The following INTS9 variants were observed in gnomAD, a reference collection of about 807,000 sequenced individuals.
INTS9 encodes the protein integrator complex subunit 9.
INTS9 carries 55 observed loss-of-function variants against 79.7 expected under a neutral mutation model. That is an observed-to-expected ratio of 0.69 (90% CI 0.56 to 0.86). The LOEUF (loss-of-function observed/expected upper bound fraction) is 0.86. INTS9 is among the 40% of genes least tolerant of loss of function. The pLI is 0.00. For synonymous variants in INTS9, 319 were observed against 325.2 expected, an observed-to-expected ratio of 0.98 and a Z score of 0.20; for missense variants, 721 against 831.5, an observed-to-expected ratio of 0.87 and a Z score of 1.64.
At position 28,863,151 on chromosome 8, in the gene INTS9, T is replaced by C. The variant is rs527891386; in HGVS notation, c.10-3588A>G. The stretch of plus-strand genomic sequence containing the variant: ...AGCGGCATTCACTAACATCTTTACA[T>C]GTGTATCCCCTAAGACTAGGTGAAG... On this transcript the variant is annotated intron_variant, in intron 1 of 16. Coordinates refer to ENST00000521022, the MANE Select transcript of INTS9 (RefSeq NM_018250.4). Among the ~76,000 whole-genome samples, 8 of 152,266 alleles carry C rather than the reference T, an allele frequency of 5.3e-5. No individual in the cohort carries two copies. The South Asian group carries it at 1.4e-3, about 28-fold the overall frequency.
At chr8:28,807,106 A>G (rs1239089577) in intron 8 of INTS9, among the ~76,000 whole-genome samples, 2 of 152,232 alleles carry the variant, frequency 1.3e-5, no homozygotes, top group Admixed American at 1.3e-4. Context: ...TGAAAATAAA[A>G]TTTAGAATGA....
intron 2 of INTS9, among the ~76,000 whole-genome samples, chr8:28,855,983 TA>T (rs1301005642): frequency 4.6e-5 from 7 of 152,206 alleles, no homozygotes; most frequent in African/African-American, 1.7e-4. Flanking sequence ...AATAAATTGG[TA>T]AAGGCAATTA....
intron 6 of INTS9, among the ~76,000 whole-genome samples, chr8:28,819,889 C>T (rs1805725523): frequency 6.6e-6 from 1 of 152,154 alleles, no homozygotes; most frequent in Non-Finnish European, 1.5e-5. Context: ...TTGAATTGAT[C>T]CCTTTACCAT....
At chr8:28,821,687 G>C (rs1017379392) in intron 6 of INTS9, among the ~76,000 whole-genome samples, 1 of 151,988 alleles carries the variant, frequency 6.6e-6, no homozygotes, top group Non-Finnish European at 1.5e-5. Flanking sequence ...CCAGGGGTGT[G>C]GCTTTAAGAG....
chr8:28,808,899 C>G (rs1182541677), intron 8 of INTS9, among the ~76,000 whole-genome samples: 2 of 152,048 alleles, frequency 1.3e-5, no homozygotes, highest in Non-Finnish European at 2.9e-5. Context: ...TCAAGTAGAC[C>G]AGGGGTTAGC....
chr8:28,785,172 G>A (rs1039530785), intron 11 of INTS9, among the ~76,000 whole-genome samples: 21 of 152,200 alleles, frequency 1.4e-4, no homozygotes, highest in Non-Finnish European at 4.4e-5. Context: ...CCAATTACTG[G>A]TGATGTTAAC....
rs1807537399 is a variant in INTS9, at chr8:28,846,746, C to CCT, written c.260_261dup (p.Thr88ArgfsTer4). ...TACAATAAGATTCACCTTAATCTTA[C>CCT]CTCTGGTAAACAGAATTCCGGCACA... On this transcript the variant is annotated frameshift_variant and splice_region_variant. Transcript: ENST00000521022. LOFTEE classifies it high-confidence loss of function. 4 of 1,608,464 alleles carry CCT rather than the reference C, an allele frequency of 2.5e-6. No individual in the cohort carries two copies. The highest frequency in any genetic ancestry group is 3.4e-6 in the Non-Finnish European group (4 of 1,174,916).
chr8:28,870,058 G>C (rs1240857547), intron 1 of INTS9, among the ~76,000 whole-genome samples: 1 of 152,106 alleles, frequency 6.6e-6, no homozygotes, highest in East Asian at 1.9e-4. Flanking sequence ...GGCTGCCTTC[G>C]GAACCAACAT....
intron 1 of INTS9, among the ~76,000 whole-genome samples, chr8:28,876,972 T>C (rs2131359078): frequency 6.6e-6 from 1 of 152,282 alleles, no homozygotes; most frequent in South Asian, 2.1e-4. Flanking sequence ...ACATGTCTTA[T>C]TCTTAGACTC....
chr8:28,774,138 C>G lies in INTS9; in HGVS notation c.1563+1621G>C, dbSNP rs576011732. On this transcript the variant is annotated intron_variant, in intron 14 of 16. Transcript: ENST00000521022. The stretch of plus-strand genomic sequence containing the variant: ...GAAATATCTTAAATGATATAATGTA[C>G]TTACTGATAGGTGAAAAAGACGACA... 1.2e-4 allele frequency among the ~76,000 whole-genome samples: 18 copies of G among 152,254 alleles called. No homozygotes were observed. In the South Asian group the frequency reaches 3.7e-3, roughly 32 times the overall value.
intron 1 of INTS9, among the ~76,000 whole-genome samples, chr8:28,878,694 T>C (rs1362114201): frequency 4.7e-5 from 7 of 149,288 alleles, no homozygotes; most frequent in African/African-American, 1.5e-4. Context: ...AAAAAAATGT[T>C]GGGCCAGGCG....
intron 1 of INTS9, among the ~76,000 whole-genome samples, chr8:28,866,793 G>A (rs1396753663): frequency 3.3e-5 from 5 of 149,266 alleles, no homozygotes; most frequent in South Asian, 2.1e-4. Flanking sequence ...CGGCAAACAC[G>A]GTGAAACCTC....
chr8:28,849,538 C>T (rs546898411), intron 3 of INTS9, among the ~76,000 whole-genome samples: 1 of 151,606 alleles, frequency 6.6e-6, no homozygotes, highest in South Asian at 2.1e-4. Context: ...TCTAGGCTAT[C>T]AGGACAGGTT....
At position 28,846,751 on chromosome 8, in the gene INTS9, G is replaced by C; in HGVS notation, c.257C>G (p.Pro86Arg). Residue 86 changes from proline to arginine, a missense_variant, in exon 4 of 17, where the codon CCA becomes CGA. Pro to Arg is a moderately radical substitution (Grantham distance 103). Transcript: ENST00000521022. ...TAAGATTCACCTTAATCTTACCTCT[G>C]GTAAACAGAATTCCGGCACAGAATC... The part of the protein sequence containing the change: ...FVDSVPEFCL[P>R]ETELIDLSTV... The C allele has an allele frequency of 6.2e-7, 1 of 1,610,434 alleles. No homozygotes were observed. The highest frequency in any genetic ancestry group is 8.5e-7 in the Non-Finnish European group (1 of 1,176,760).
At chr8:28,847,905 C>A (rs1807617027) in intron 3 of INTS9, among the ~76,000 whole-genome samples, 1 of 152,190 alleles carries the variant, frequency 6.6e-6, no homozygotes, top group Admixed American at 6.5e-5. Context: ...CACTGAGGAG[C>A]AATGGGGCTG....
chr8:28,801,738 A>G (rs527541250), intron 8 of INTS9, among the ~76,000 whole-genome samples: 42 of 152,168 alleles, frequency 2.8e-4, no homozygotes, highest in African/African-American at 9.6e-4. Context: ...TCAGCTTCCC[A>G]AGTAGCTGGG....
intron 10 of INTS9, among the ~76,000 whole-genome samples, chr8:28,790,582 C>T (rs1383921691): frequency 6.6e-6 from 1 of 152,184 alleles, no homozygotes; most frequent in Non-Finnish European, 1.5e-5. Flanking sequence ...CCCGCCTTGG[C>T]CTCCTAAAGT....
chr8:28,773,929 C>T (rs1802720105), intron 14 of INTS9, among the ~76,000 whole-genome samples: 1 of 152,208 alleles, frequency 6.6e-6, no homozygotes, highest in Non-Finnish European at 1.5e-5. Context: ...TCAAGCAATT[C>T]TCTGCCACAG....
Position 28,803,950 on chromosome 8 carries a change from G to T in INTS9, c.745-7295C>A, listed in dbSNP as rs564049576. On this transcript the variant is annotated intron_variant, in intron 8 of 16. Transcript: ENST00000521022. The stretch of plus-strand genomic sequence containing the variant: ...TTTTATTTATTTATTTTGAGACAGG[G>T]TCTCACTTTGTTGCCCAGGCTGGAG... Among the ~76,000 whole-genome samples the T allele has an allele frequency of 4.6e-5, 7 of 152,154 alleles. No individual in the cohort carries two copies. The East Asian group carries it at 1.4e-3, about 29-fold the overall frequency.
Sources: allele counts gnomAD v4.1 joint callset (sites outside exome capture counted in the v4.1 genomes callset), GRCh38; gene constraint gnomAD v4.1.1; transcripts MANE v1.5; gene names NCBI Gene and HGNC (gene_info 2026-07-23, HGNC 2026-07-21).